The following SCUBE1 variants were observed in gnomAD, a reference collection of about 807,000 sequenced individuals.
SCUBE1 encodes signal peptide, CUB and EGF-like domain-containing protein 1.
SCUBE1 carries 59 observed loss-of-function variants against 124.4 expected under a neutral mutation model. That is an observed-to-expected ratio of 0.47 (90% CI 0.38 to 0.59). SCUBE1 has a LOEUF of 0.59. Ranked by LOEUF, SCUBE1 falls within the 20% of genes least tolerant of loss-of-function variation. The pLI is 0.00. For missense variants in SCUBE1, 1,150 were observed against 1,371.2 expected, an observed-to-expected ratio of 0.84 and a Z score of 2.55; for synonymous variants, 545 against 550.9, an observed-to-expected ratio of 0.99 and a Z score of 0.15.
intron 6 of SCUBE1, among the ~76,000 whole-genome samples, chr22:43,246,611 G>T (rs1601825943): frequency 6.6e-6 from 1 of 152,240 alleles, no homozygotes; most frequent in African/African-American, 2.4e-5. Context: ...CTGAGCTTCG[G>T]TTTCCTTATC....
chr22:43,216,855 T>G lies in SCUBE1; in HGVS notation c.1891+1400A>C, dbSNP rs539644128. On this transcript the variant is annotated intron_variant, in intron 15 of 21. Coordinates refer to ENST00000360835, the MANE Select transcript of SCUBE1 (RefSeq NM_173050.5). ...CAGGTGTCACCTCTTTATCAACAACTTCCCCCCACCCACCCCCCGCCAGGT... is the reference window on the plus strand; with the variant it reads ...CAGGTGTCACCTCTTTATCAACAACGTCCCCCCACCCACCCCCCGCCAGGT... 9.4e-4 allele frequency among the ~76,000 whole-genome samples: 96 copies of G among 101,818 alleles called. 1 individual carries two copies. The highest frequency in any genetic ancestry group is 3.4e-3 in the African/African-American group (80 of 23,720). The allele number at this position is 101,818 out of a possible 152,430, so 66.8% of individuals were successfully genotyped here.
intron 1 of SCUBE1, 33 bp downstream of exon 1, chr22:43,343,141 G>GA (rs1361897948): frequency 2.7e-6 from 3 of 1,096,688 alleles, no homozygotes; most frequent in Non-Finnish European, 3.4e-6. Flanking sequence ...AGCCCCCCGC[G>GA]CCCGCCGCCC....
chr22:43,330,667 T>A (rs1170568914), intron 2 of SCUBE1, among the ~76,000 whole-genome samples: 1 of 152,226 alleles, frequency 6.6e-6, no homozygotes, highest in African/African-American at 2.4e-5. Flanking sequence ...GGGGTGAACT[T>A]GCCTCCAGTG....
chr22:43,286,370 C>A (rs911798286), intron 4 of SCUBE1, among the ~76,000 whole-genome samples: 1 of 152,220 alleles, frequency 6.6e-6, no homozygotes, highest in African/African-American at 2.4e-5. Context: ...GGAGACAATG[C>A]GACGTTTCCT....
intron 7 of SCUBE1, 169 bp downstream of exon 7, chr22:43,238,669 C>T (rs1430132230): frequency 2.9e-6 from 2 of 699,110 alleles, no homozygotes; most frequent in Non-Finnish European, 5.4e-6. Flanking sequence ...GGCCAGCCCT[C>T]CCTCTTCCTG....
chr22:43,251,676 C>A (rs1478398904), intron 6 of SCUBE1, among the ~76,000 whole-genome samples: 1 of 152,156 alleles, frequency 6.6e-6, no homozygotes, highest in African/African-American at 2.4e-5. Context: ...GGGGATGCAC[C>A]CCTGGAGCCT....
At chr22:43,215,354 A>C (rs1477441137) in intron 15 of SCUBE1, among the ~76,000 whole-genome samples, 1 of 152,252 alleles carries the variant, frequency 6.6e-6, no homozygotes, top group Non-Finnish European at 1.5e-5. Flanking sequence ...ATAGGGATAC[A>C]GACCCAGAGG....
At chr22:43,321,159 C>T (rs1241088721) in intron 2 of SCUBE1, among the ~76,000 whole-genome samples, 2 of 152,214 alleles carry the variant, frequency 1.3e-5, no homozygotes, top group Non-Finnish European at 1.5e-5. Context: ...CACGAGACGA[C>T]GGAGTAGGAA....
Position 43,258,741 on chromosome 22 carries a change from G to C in SCUBE1, c.611-406C>G, listed in dbSNP as rs1390342092. ...ATACTTGTCAAGCTGTCGGGGGAGG[G>C]ACATGGCGGCCCGTGGTTCCAGGTG... On this transcript the variant is annotated intron_variant, in intron 5 of 21. Coordinates refer to ENST00000360835, the MANE Select transcript of SCUBE1 (RefSeq NM_173050.5). The surrounding 1 kb of genome is among the most constrained non-coding windows in gnomAD (Gnocchi z 5.0). 6.6e-6 allele frequency among the ~76,000 whole-genome samples: 1 copy of C among 152,162 alleles called. No individual in the cohort carries two copies. Among genetic ancestry groups the C allele is most frequent in the Non-Finnish European group, 1.5e-5 (1 of 68,024 alleles).
At chr22:43,310,211 CT>C (rs1324996923) in intron 3 of SCUBE1, among the ~76,000 whole-genome samples, 1 of 152,070 alleles carries the variant, frequency 6.6e-6, no homozygotes, top group Non-Finnish European at 1.5e-5. Context: ...CTAACAGTTC[CT>C]ACCACACTTG....
chr22:43,259,894 G>C (rs529204051), intron 5 of SCUBE1, among the ~76,000 whole-genome samples: 8 of 152,202 alleles, frequency 5.3e-5, no homozygotes, highest in Non-Finnish European at 1.0e-4. Context: ...CTTCTCCTCA[G>C]GAGTGACTCT....
At chr22:43,330,648 T>C (rs1433914068) in intron 2 of SCUBE1, among the ~76,000 whole-genome samples, 1 of 152,216 alleles carries the variant, frequency 6.6e-6, no homozygotes, top group East Asian at 1.9e-4. Context: ...ATGGGCAAAC[T>C]GAGGCTCAGG....
rs1416583619 is a variant in SCUBE1 at position 43,198,553 on chromosome 22, T to C, written c.*5444A>G. The C allele has an allele frequency of 2.2e-6, 1 of 456,592 alleles. No individual in the cohort carries two copies. The highest frequency in any genetic ancestry group is 2.0e-5 in the African/African-American group (1 of 50,074). 28.3% of individuals were successfully genotyped at this position (456,592 alleles called of 1,614,324 possible). On this transcript the variant is annotated 3_prime_UTR_variant, in exon 22 of 22. Coordinates refer to ENST00000360835, the MANE Select transcript of SCUBE1 (RefSeq NM_173050.5). ...AATAGGAGGCGCTCTCTGCTCTCTC[T>C]CCACATCCTCACTCCACCCCTCATT...
At chr22:43,304,904 A>C (rs1461141202) in intron 3 of SCUBE1, among the ~76,000 whole-genome samples, 1 of 152,160 alleles carries the variant, frequency 6.6e-6, no homozygotes, top group East Asian at 1.9e-4. Flanking sequence ...CCATAGTGGG[A>C]GTATTTCTGC....
chr22:43,279,349 T>G (rs144088942), intron 4 of SCUBE1, among the ~76,000 whole-genome samples: 1 of 152,310 alleles, frequency 6.6e-6, no homozygotes, highest in South Asian at 2.1e-4. Context: ...TCGGTGCATA[T>G]GCTGTGCAGG....
At chr22:43,214,323 GC>G in intron 15 of SCUBE1, 72 bp from the exon 16 acceptor site, 2 of 1,462,302 alleles carry the variant, frequency 1.4e-6, no homozygotes, top group Non-Finnish European at 9.3e-7. Context: ...GTGTGCTCAA[GC>G]CCAGGCTCTC....
chr22:43,284,661 T>C (rs1016802249), intron 4 of SCUBE1, among the ~76,000 whole-genome samples: 6 of 152,220 alleles, frequency 3.9e-5, no homozygotes, highest in African/African-American at 7.2e-5. Context: ...AATGGGGCAC[T>C]GTAAGGACGC....
At chr22:43,245,138 G>A (rs1442591187) in intron 6 of SCUBE1, among the ~76,000 whole-genome samples, 2 of 152,252 alleles carry the variant, frequency 1.3e-5, no homozygotes, top group Admixed American at 6.5e-5. Context: ...CCTATCTCCC[G>A]AGGGGCCCTC....
chr22:43,294,686 G>T (rs572465791), intron 3 of SCUBE1, among the ~76,000 whole-genome samples: 1 of 152,196 alleles, frequency 6.6e-6, no homozygotes, highest in Non-Finnish European at 1.5e-5. Context: ...TTGAGGGATT[G>T]CAGACTGCGT....
Sources: gnomAD v4.1 joint callset for allele counts (sites outside exome capture counted in the v4.1 genomes callset) on GRCh38, gnomAD v4.1.1 for gene constraint, Gnocchi (gnomAD v3.1) non-coding constraint, MANE v1.5 for transcripts, NCBI Gene and HGNC (gene_info 2026-07-23, HGNC 2026-07-21) for gene names.